The following SPAG16 variants were observed in gnomAD, a reference collection of about 807,000 sequenced individuals.
SPAG16 encodes the protein sperm-associated antigen 16 protein.
In SPAG16, 86 loss-of-function variants were observed where a neutral mutation model predicts 80.4. That is an observed-to-expected ratio of 1.07 (90% confidence interval 0.90 to 1.28). The LOEUF is 1.28. SPAG16 is among the 50% of genes most tolerant of loss of function. The pLI, the probability that SPAG16 is intolerant of heterozygous loss-of-function variation, is 0.00. For synonymous variants in SPAG16, 294 were observed against 265.9 expected, an observed-to-expected ratio of 1.11 and a Z score of -1.03; for missense variants, 870 against 765.3, an observed-to-expected ratio of 1.14 and a Z score of -1.61.
At chr2:214,280,306 C>G (rs1329019431) in intron 15 of SPAG16, among the ~76,000 whole-genome samples, 1 of 152,174 alleles carries the variant, frequency 6.6e-6, no homozygotes, top group African/African-American at 2.4e-5. Flanking sequence ...CCAGACTTAT[C>G]TATAGATTAA....
intron 15 of SPAG16, among the ~76,000 whole-genome samples, chr2:214,235,956 A>G (rs1223705816): frequency 1.3e-5 from 2 of 152,194 alleles, no homozygotes; most frequent in Non-Finnish European, 2.9e-5. Context: ...ACACAGCAGT[A>G]CAATGTGTAG....
chr2:213,927,173 C>T (rs1588455), intron 11 of SPAG16, among the ~76,000 whole-genome samples: 36,111 of 152,086 alleles, frequency 0.24, 4,888 homozygotes, highest in South Asian at 0.37. Flanking sequence ...ACAGGGTTCC[C>T]GTGCTCATGA....
intron 10 of SPAG16, among the ~76,000 whole-genome samples, chr2:213,650,033 T>G (rs2125143157): frequency 6.6e-6 from 1 of 152,192 alleles, no homozygotes; most frequent in African/African-American, 2.4e-5. Flanking sequence ...AAAGAAGTTC[T>G]CGAATTTTAT....
chr2:213,535,161 A>T (rs1314684473), intron 10 of SPAG16, among the ~76,000 whole-genome samples: 2 of 152,126 alleles, frequency 1.3e-5, no homozygotes, highest in Non-Finnish European at 2.9e-5. Context: ...AGAACCCAAC[A>T]ATGTAAAATC....
At chr2:213,754,699 T>G (rs2068239504) in intron 10 of SPAG16, among the ~76,000 whole-genome samples, 1 of 152,238 alleles carries the variant, frequency 6.6e-6, no homozygotes, top group Non-Finnish European at 1.5e-5. Context: ...ATAAAATTAA[T>G]GTATCACAGC....
intron 15 of SPAG16, among the ~76,000 whole-genome samples, chr2:214,375,365 A>G (rs954272045): frequency 3.3e-5 from 5 of 152,214 alleles, no homozygotes; most frequent in African/African-American, 7.2e-5. Flanking sequence ...TAACCAGTTT[A>G]CGAAGTAGGG....
intron 10 of SPAG16, among the ~76,000 whole-genome samples, chr2:213,692,446 A>G (rs2064980528): frequency 6.6e-6 from 1 of 152,180 alleles, no homozygotes; most frequent in Admixed American, 6.5e-5. Context: ...CCACTGATTT[A>G]TTGTGTTTGG....
chr2:213,454,484 G>A (rs2071882674), intron 9 of SPAG16, among the ~76,000 whole-genome samples: 1 of 152,164 alleles, frequency 6.6e-6, no homozygotes, highest in Non-Finnish European at 1.5e-5. Flanking sequence ...TAGGATTGAA[G>A]TTGAAACTGT....
chr2:214,306,923 T>C (rs1270560174), intron 15 of SPAG16, among the ~76,000 whole-genome samples: 1 of 152,160 alleles, frequency 6.6e-6, no homozygotes, highest in Non-Finnish European at 1.5e-5. Flanking sequence ...GGGGAGTCCC[T>C]CCCCTCAGTT....
At chr2:214,103,936 A>T (rs1182958012) in intron 13 of SPAG16, among the ~76,000 whole-genome samples, 1 of 141,132 alleles carries the variant, frequency 7.1e-6, no homozygotes, top group Non-Finnish European at 1.6e-5. Context: ...GGAGGGAGAG[A>T]GGGAAACAGA....
At chr2:214,358,762 C>A (rs1220394404) in intron 15 of SPAG16, among the ~76,000 whole-genome samples, 3 of 151,854 alleles carry the variant, frequency 2.0e-5, no homozygotes, top group Non-Finnish European at 4.4e-5. Flanking sequence ...GAGGGGCACA[C>A]AGTTAGAAAG....
chr2:213,527,190 A>C (rs536463174), intron 10 of SPAG16, among the ~76,000 whole-genome samples: 1 of 152,250 alleles, frequency 6.6e-6, no homozygotes, highest in African/African-American at 2.4e-5. Flanking sequence ...ACTGATGTAA[A>C]GTTTCTACCA....
intron 10 of SPAG16, among the ~76,000 whole-genome samples, chr2:213,564,515 G>A (rs930565339): frequency 1.3e-5 from 2 of 150,334 alleles, no homozygotes; most frequent in East Asian, 1.9e-4. Context: ...AAAAAAAAGA[G>A]TATGTCATTA....
chr2:213,689,659 G>T (rs1343569190), intron 10 of SPAG16, among the ~76,000 whole-genome samples: 1 of 148,674 alleles, frequency 6.7e-6, no homozygotes, highest in Non-Finnish European at 1.5e-5. Flanking sequence ...CAGCCTTACT[G>T]AGTTCTGAAT....
chr2:213,702,413 T>C (rs1263184699), intron 10 of SPAG16, among the ~76,000 whole-genome samples: 1 of 152,154 alleles, frequency 6.6e-6, no homozygotes, highest in Non-Finnish European at 1.5e-5. Flanking sequence ...TTATGAGCTG[T>C]AACACTCACC....
chr2:214,269,681 G>C (rs542521360), intron 15 of SPAG16, among the ~76,000 whole-genome samples: 1 of 152,040 alleles, frequency 6.6e-6, no homozygotes, highest in African/African-American at 2.4e-5. Flanking sequence ...TTGGAAGGAG[G>C]GGGTGGTGAA....
chr2:213,410,286 A>G (rs1188624281), intron 9 of SPAG16, among the ~76,000 whole-genome samples: 2 of 152,176 alleles, frequency 1.3e-5, no homozygotes, highest in Non-Finnish European at 2.9e-5. Context: ...TTTTGCCTCA[A>G]ACTACTGCAT....
intron 8 of SPAG16, among the ~76,000 whole-genome samples, chr2:213,372,242 T>A (rs2066679841): frequency 6.6e-6 from 1 of 152,112 alleles, no homozygotes; most frequent in Non-Finnish European, 1.5e-5. Flanking sequence ...TAATGCCTAT[T>A]TTTAAACCAG....
At chr2:213,639,789 C>G (rs1189757509) in intron 10 of SPAG16, among the ~76,000 whole-genome samples, 1 of 152,140 alleles carries the variant, frequency 6.6e-6, no homozygotes, top group African/African-American at 2.4e-5. Context: ...GTCTATATTT[C>G]TAGCTAGGCC....
Sources: gnomAD v4.1 joint callset for allele counts (sites outside exome capture counted in the v4.1 genomes callset) on GRCh38, gnomAD v4.1.1 for gene constraint, MANE v1.5 for transcripts, NCBI Gene and HGNC (gene_info 2026-07-23, HGNC 2026-07-21) for gene names.